Variants in SMAGP observed in about 807,000 individuals in gnomAD.
SMAGP encodes the protein small cell transmembrane and glycosylated protein.
Under a neutral mutation model 10.1 loss-of-function variants are expected in SMAGP, and 7 were observed. The observed-to-expected ratio is 0.70, with a 90% CI of 0.40 to 1.31. The LOEUF is 1.31. Ranked by LOEUF, SMAGP falls within the 50% of genes most tolerant of loss-of-function variation. The probability of loss-of-function intolerance (pLI) is 0.01; values close to 1 mark genes in which losing one functional copy is unlikely to be tolerated. For synonymous variants in SMAGP, 49 were observed against 47.2 expected (o/e 1.04, Z -0.16); for missense variants, 113 against 116.5 (o/e 0.97, Z 0.14).
At chr12:51,253,071 T>C (rs1409405786) in intron 2 of SMAGP, among the ~76,000 whole-genome samples, 1 of 152,058 alleles carries the variant, frequency 6.6e-6, no homozygotes, top group Admixed American at 6.6e-5. Context: ...CATAAAGCAA[T>C]GGTGAGCTTG....
At chr12:51,260,679 ATTTT>A (rs1162152346) in intron 2 of SMAGP, among the ~76,000 whole-genome samples, 2 of 78,392 alleles carry the variant, frequency 2.6e-5, no homozygotes, top group South Asian at 4.0e-4. Flanking sequence ...CGCCCGGCCA[ATTTT>A]TTTTTTTTTT....
chr12:51,255,234 C>T (rs118054657), intron 2 of SMAGP, among the ~76,000 whole-genome samples: 2,225 of 152,208 alleles, frequency 0.015, 19 homozygotes, highest in Non-Finnish European at 0.025. Flanking sequence ...CGGGGTCTTG[C>T]TATGTTGCCC....
At chr12:51,256,534 C>G (rs185100739) in intron 2 of SMAGP, among the ~76,000 whole-genome samples, 1 of 152,224 alleles carries the variant, frequency 6.6e-6, no homozygotes, top group East Asian at 1.9e-4. Flanking sequence ...CCAGCCTGAC[C>G]AACATGGAGA....
intron 2 of SMAGP, among the ~76,000 whole-genome samples, chr12:51,265,608 G>A (rs923066670): frequency 6.6e-6 from 1 of 152,202 alleles, no homozygotes; most frequent in African/African-American, 2.4e-5. Context: ...AAGTTAGCCA[G>A]ACACAAAAGG....
intron 3 of SMAGP, 175 bp downstream of exon 3, chr12:51,246,576 C>CT (rs1944772881): frequency 2.0e-6 from 1 of 497,742 alleles, no homozygotes; most frequent in Admixed American, 3.8e-5. Flanking sequence ...GGTAGTGCCT[C>CT]TGACAGAAGC....
chr12:51,257,242 G>A (rs957289899), intron 2 of SMAGP, among the ~76,000 whole-genome samples: 1 of 152,180 alleles, frequency 6.6e-6, no homozygotes, highest in African/African-American at 2.4e-5. Context: ...GTCCTTGAAG[G>A]GATGAGATCT....
intron 2 of SMAGP, among the ~76,000 whole-genome samples, chr12:51,257,743 C>A (rs1384315158): frequency 6.6e-6 from 1 of 152,152 alleles, no homozygotes; most frequent in Non-Finnish European, 1.5e-5. Flanking sequence ...TGGGGTTTCA[C>A]CCTGTTGGCC....
At chr12:51,265,400 A>G (rs560866982) in intron 2 of SMAGP, among the ~76,000 whole-genome samples, 12 of 152,342 alleles carry the variant, frequency 7.9e-5, no homozygotes, top group African/African-American at 2.9e-4. Context: ...CAGGGTCTCA[A>G]GAAGATATTT....
At position 51,267,671 on chromosome 12, in the gene SMAGP, T is replaced by C. The variant is rs1470272278; in HGVS notation, c.34+1574A>G. On this transcript the variant is annotated intron_variant, in intron 2 of 3. Transcript: ENST00000603798. ...ACCAAGCCCGGCTAATTTTTAAATT[T>C]TTTTGTAGAGATGGGGTTTCGCCAT... Among the ~76,000 whole-genome samples, 6 of 152,184 alleles carry C rather than the reference T, an allele frequency of 3.9e-5. No homozygotes were observed. In the East Asian group the frequency reaches 1.2e-3, roughly 29 times the overall value.
rs1474749079 is a variant in SMAGP, at chr12:51,270,014, G to A, written c.-39+242C>T. 4.6e-5 allele frequency: 7 copies of A among 151,802 alleles called. No individual in the cohort carries two copies. In the East Asian group the frequency reaches 1.2e-3, roughly 25 times the overall value. 9.4% of individuals were successfully genotyped at this position (151,802 alleles called of 1,614,324 possible). Reference sequence around the variant, plus strand: ...CGGGCTGGGTTGGTCCTCGCCCCGCGGCCCCGCCCCCGTCCCCGCCCCCGC... The same window carrying A: ...CGGGCTGGGTTGGTCCTCGCCCCGCAGCCCCGCCCCCGTCCCCGCCCCCGC... On this transcript the variant is annotated intron_variant, in intron 1 of 3. Transcript: ENST00000603798.
Position 51,246,111 on chromosome 12 carries a change from T to C in SMAGP, c.124A>G (p.Thr42Ala), listed in dbSNP as rs1461241896. The C allele has an allele frequency of 6.2e-7, 1 of 1,613,572 alleles. No individual in the cohort carries two copies. Among genetic ancestry groups the C allele is most frequent in the Admixed American group, 1.7e-5 (1 of 59,954 alleles). Residue 42 changes from threonine (T) to alanine (A), a missense_variant, in exon 4 of 4, where the codon ACC becomes GCC. Physicochemically the swap from Thr to Ala is moderately conservative, Grantham distance 58 (BLOSUM62 0). Transcript: ENST00000603798. ...ASTALIAVVI[T>A]VVFLTLLSVV... ...GAGAGCAGGGTGAGGAAGACAACGG[T>C]GATAACAACTTGGAAAGGAGAGGGA... is the stretch of plus-strand genomic sequence containing the variant.
At chr12:51,255,428 G>A (rs1944876374) in intron 2 of SMAGP, among the ~76,000 whole-genome samples, 1 of 152,190 alleles carries the variant, frequency 6.6e-6, no homozygotes, top group Non-Finnish European at 1.5e-5. Context: ...TGATTCAGGA[G>A]ATCTGAGGTG....
intron 2 of SMAGP, among the ~76,000 whole-genome samples, chr12:51,262,424 T>C (rs943850879): frequency 6.6e-6 from 1 of 152,050 alleles, no homozygotes; most frequent in African/African-American, 2.4e-5. Flanking sequence ...GAGGCTGCAG[T>C]GAGCTGTGAT....
rs1945021517 is a variant in SMAGP, at chr12:51,270,403, G to A, written c.-186C>T. On this transcript the variant is annotated 5_prime_UTR_variant, in exon 1 of 4. Coordinates refer to ENST00000603798, the MANE Select transcript of SMAGP (RefSeq NM_001031628.2). ...GGAGGAAGCCGCGGGTGGCGCGCGG[G>A]GTTGGCGCAGAGGCCGGAGGGGGTG... 2 of 241,338 alleles carry A rather than the reference G, an allele frequency of 8.3e-6. No homozygotes were observed. The highest frequency in any genetic ancestry group is 1.6e-4 in the East Asian group (2 of 12,874). 14.9% of individuals were successfully genotyped at this position (241,338 alleles called of 1,614,324 possible).
intron 2 of SMAGP, among the ~76,000 whole-genome samples, chr12:51,257,343 T>G (rs1383925491): frequency 6.6e-6 from 1 of 152,290 alleles, no homozygotes; most frequent in African/African-American, 2.4e-5. Flanking sequence ...TGGGCACAAA[T>G]GCAGGTGGCA....
intron 2 of SMAGP, among the ~76,000 whole-genome samples, chr12:51,251,198 C>T (rs988874827): frequency 3.3e-5 from 5 of 152,136 alleles, no homozygotes; most frequent in East Asian, 1.9e-4. Context: ...CTTTGGGAGG[C>T]GGAGGCAGGA....
At chr12:51,254,676 GAGA>G (rs1457746687) in intron 2 of SMAGP, among the ~76,000 whole-genome samples, 3 of 152,228 alleles carry the variant, frequency 2.0e-5, no homozygotes, top group Non-Finnish European at 4.4e-5. Flanking sequence ...TGTGGTTTTA[GAGA>G]AGGTTGTCAG....
chr12:51,253,784 T>C (rs916626412), intron 2 of SMAGP, among the ~76,000 whole-genome samples: 4 of 152,306 alleles, frequency 2.6e-5, no homozygotes, highest in African/African-American at 9.6e-5. Context: ...CAGGTGCCTG[T>C]AATCCCAGCT....
At chr12:51,256,862 G>C (rs973099626) in intron 2 of SMAGP, among the ~76,000 whole-genome samples, 1 of 151,976 alleles carries the variant, frequency 6.6e-6, no homozygotes, top group Non-Finnish European at 1.5e-5. Flanking sequence ...GACTGGGTGA[G>C]ATCACCCAGG....
Sources: gnomAD v4.1 joint callset for allele counts (sites outside exome capture counted in the v4.1 genomes callset) on GRCh38, gnomAD v4.1.1 for gene constraint, MANE v1.5 for transcripts, NCBI Gene and HGNC (gene_info 2026-07-23, HGNC 2026-07-21) for gene names.